Variants in CDH13 observed in about 807,000 individuals in gnomAD.
CDH13 encodes cadherin-13.
CDH13 carries 24 observed loss-of-function variants against 63.8 expected under a neutral mutation model. The observed-to-expected ratio is 0.38, with a 90% CI of 0.27 to 0.53. The LOEUF is 0.53. Among genes scored for constraint, CDH13 ranks in the 20% least tolerant of loss-of-function variants. CDH13 has a pLI of 0.85. For missense variants in CDH13, 1,049 were observed against 903.1 expected (o/e 1.16, Z -2.07); for synonymous variants, 503 against 355.3 (o/e 1.42, Z -4.67).
chr16:83,611,644 G>A (rs1035369757), intron 8 of CDH13, among the ~76,000 whole-genome samples: 6 of 151,206 alleles, frequency 4.0e-5, no homozygotes, highest in African/African-American at 1.5e-4. Flanking sequence ...TTTTTCTAAT[G>A]TATGGATTTA....
rs554495575 is a variant in CDH13, at chr16:83,092,418, G to T, written c.367-32967G>T. On this transcript the variant is annotated intron_variant, in intron 3 of 13. Coordinates refer to ENST00000567109, the MANE Select transcript of CDH13 (RefSeq NM_001257.5). ...ATTTTCATGAGGCAAGGTCTTAGAT[G>T]ATTAAAACAAGGCAGATGCTAATGC... Among the ~76,000 whole-genome samples the T allele has an allele frequency of 5.3e-5, 8 of 152,318 alleles. No individual in the cohort carries two copies. The East Asian group carries it at 1.5e-3, about 29-fold the overall frequency.
intron 1 of CDH13, among the ~76,000 whole-genome samples, chr16:82,677,638 G>T (rs1914084050): frequency 6.6e-6 from 1 of 152,050 alleles, no homozygotes; most frequent in Non-Finnish European, 1.5e-5. Context: ...AGTATCAGAG[G>T]CAGGACTCTG....
chr16:83,671,303 C>T (rs28697268), intron 9 of CDH13, among the ~76,000 whole-genome samples: 41,541 of 152,082 alleles, frequency 0.27, 5,861 homozygotes, highest in East Asian at 0.49. Flanking sequence ...GGCTGGGGTG[C>T]AGTGGTGTGA....
At chr16:82,861,010 A>C (rs2039923082) in intron 2 of CDH13, among the ~76,000 whole-genome samples, 1 of 152,234 alleles carries the variant, frequency 6.6e-6, no homozygotes, top group African/African-American at 2.4e-5. Flanking sequence ...TTAATCAAGA[A>C]ACCAATGAGT....
intron 10 of CDH13, among the ~76,000 whole-genome samples, chr16:83,696,136 TC>T (rs1905369869): frequency 6.6e-6 from 1 of 152,066 alleles, no homozygotes; most frequent in Admixed American, 6.5e-5. Context: ...AGCAATCCAC[TC>T]GCTTCTGCCT....
chr16:83,112,734 T>C (rs1162455638), intron 3 of CDH13, among the ~76,000 whole-genome samples: 1 of 152,240 alleles, frequency 6.6e-6, no homozygotes, highest in East Asian at 1.9e-4. Flanking sequence ...CTATCAAACA[T>C]AGTTACATTG....
intron 6 of CDH13, chr16:83,398,114 G>C (rs559709630): frequency 7.7e-6 from 1 of 129,332 alleles, no homozygotes; most frequent in South Asian, 2.4e-4. Context: ...ATTTGTTTAA[G>C]TACTCATTGC....
intron 4 of CDH13, among the ~76,000 whole-genome samples, chr16:83,191,983 G>T (rs2038731240): frequency 6.6e-6 from 1 of 152,098 alleles, no homozygotes; most frequent in Non-Finnish European, 1.5e-5. Flanking sequence ...TAAAAAGAGA[G>T]AGCAAAAGCA....
Position 83,533,891 on chromosome 16 carries a change from G to T in CDH13, c.960+47236G>T, listed in dbSNP as rs529602349. On this transcript the variant is annotated intron_variant, in intron 7 of 13. Transcript: ENST00000567109. ...CCACCTCAGCCTCCCGAGCTGCTGG[G>T]ATTACAGGCATGAGCCACAGTGCCT... Among the ~76,000 whole-genome samples the T allele has an allele frequency of 2.8e-4, 42 of 152,224 alleles. No homozygotes were observed. In the South Asian group the frequency reaches 7.9e-3, roughly 29 times the overall value.
intron 7 of CDH13, among the ~76,000 whole-genome samples, chr16:83,514,130 T>G (rs917526813): frequency 6.6e-6 from 1 of 152,192 alleles, no homozygotes; most frequent in Non-Finnish European, 1.5e-5. Flanking sequence ...AGACAGGCCC[T>G]GCTCTTTGTT....
chr16:82,986,561 T>A, intron 2 of CDH13, among the ~76,000 whole-genome samples: 1 of 152,236 alleles, frequency 6.6e-6, no homozygotes, highest in East Asian at 1.9e-4. Context: ...GTGGCTGCTC[T>A]AAGCTGGGCC....
In CDH13 at chr16:82,630,832, G is replaced by A. The variant is rs746552629; in HGVS notation, c.45+3695G>A. ...CGTAGCCAACAGTGTTTCTGTGTGC[G>A]CGTCTGAGTGAGTGTGTACATCTCT... On this transcript the variant is annotated intron_variant, in intron 1 of 13. Coordinates refer to ENST00000567109, the MANE Select transcript of CDH13 (RefSeq NM_001257.5). Among the ~76,000 whole-genome samples, 91 of 152,156 alleles carry A rather than the reference G, an allele frequency of 6.0e-4. 1 individual carries two copies. Among genetic ancestry groups the A allele is most frequent in the Admixed American group, 4.7e-3 (72 of 15,270 alleles).
At chr16:83,146,361 T>C (rs2036751864) in intron 4 of CDH13, among the ~76,000 whole-genome samples, 1 of 152,252 alleles carries the variant, frequency 6.6e-6, no homozygotes. Flanking sequence ...TGTAGGGGTT[T>C]GTCTGTCTCA....
At chr16:82,659,542 CAA>C (rs1911689549) in intron 1 of CDH13, among the ~76,000 whole-genome samples, 1 of 152,148 alleles carries the variant, frequency 6.6e-6, no homozygotes, top group African/African-American at 2.4e-5. Flanking sequence ...AATATATACT[CAA>C]ACATGTATAA....
intron 1 of CDH13, among the ~76,000 whole-genome samples, chr16:82,810,900 G>C (rs942348782): frequency 6.6e-6 from 1 of 152,118 alleles, no homozygotes; most frequent in Non-Finnish European, 1.5e-5. Context: ...GGAGGTATCA[G>C]GACATGGAGG....
intron 8 of CDH13, among the ~76,000 whole-genome samples, chr16:83,667,197 T>G (rs144016510): frequency 7.2e-5 from 11 of 152,282 alleles, no homozygotes; most frequent in Non-Finnish European, 1.5e-4. Context: ...AGGGCCACAA[T>G]GCACATCTCT....
chr16:82,785,562 T>G (rs1438682456), intron 1 of CDH13, among the ~76,000 whole-genome samples: 2 of 152,216 alleles, frequency 1.3e-5, no homozygotes, highest in East Asian at 3.9e-4. Flanking sequence ...TAATTAATCA[T>G]GCACTTGATT....
intron 2 of CDH13, chr16:82,954,002 A>C (rs1905676575): frequency 6.6e-6 from 1 of 152,200 alleles, no homozygotes; most frequent in African/African-American, 2.4e-5. Context: ...CTTCAGAAGC[A>C]GACTCAGACA....
intron 6 of CDH13, among the ~76,000 whole-genome samples, chr16:83,424,293 C>T (rs2071819958): frequency 6.6e-6 from 1 of 150,778 alleles, no homozygotes; most frequent in African/African-American, 2.4e-5. Flanking sequence ...ATGGACTGGA[C>T]AGTCTAGAAG....
Sources: gnomAD v4.1 joint callset for allele counts (sites outside exome capture counted in the v4.1 genomes callset) on GRCh38, gnomAD v4.1.1 for gene constraint, MANE v1.5 for transcripts, NCBI Gene and HGNC (gene_info 2026-07-23, HGNC 2026-07-21) for gene names.